Variants in ADAM12 observed in about 807,000 individuals in gnomAD.
ADAM12 encodes the protein disintegrin and metalloproteinase domain-containing protein 12.
A neutral mutation model predicts 106.4 loss-of-function variants in ADAM12; 70 were observed. That is an observed-to-expected ratio of 0.66 (90% confidence interval 0.54 to 0.80). ADAM12 has a LOEUF of 0.80. Among genes scored for constraint, ADAM12 ranks in the 30% least tolerant of loss-of-function variants. ADAM12 has a pLI of 0.00. For missense variants in ADAM12, 1,010 were observed against 1,171.9 expected (o/e 0.86, Z 2.02); for synonymous variants, 420 against 433.5 (o/e 0.97, Z 0.39).
In ADAM12 at chr10:126,118,221, T is replaced by C. The variant is rs1456619964; in HGVS notation, c.420A>G (p.Gly140=). Residue 140 remains glycine (G), a synonymous_variant, in exon 6 of 23, where the codon GGA becomes GGG. Coordinates refer to ENST00000448723, the MANE Select transcript of ADAM12 (RefSeq NM_001288973.2). ...AGCTTTCATTTTCAAACACAATAAG[T>C]CCCCTGTTGAAAAAGAAACAAGAAA... ...VSLSTCSGLR[G]LIVFENESYV... is the part of the protein sequence containing the mutation. 1.2e-6 allele frequency: 2 copies of C among 1,608,638 alleles called. No individual in the cohort carries two copies. Among genetic ancestry groups the C allele is most frequent in the Non-Finnish European group, 1.7e-6 (2 of 1,176,648 alleles).
At chr10:126,311,797 C>T (rs966949809) in intron 2 of ADAM12, among the ~76,000 whole-genome samples, 1 of 152,132 alleles carries the variant, frequency 6.6e-6, no homozygotes, top group African/African-American at 2.4e-5. Context: ...AGACCCTGCT[C>T]TATAGGCACC....
chr10:126,350,398 G>A (rs890233283), intron 1 of ADAM12, among the ~76,000 whole-genome samples: 4 of 152,144 alleles, frequency 2.6e-5, no homozygotes, highest in African/African-American at 7.2e-5. Flanking sequence ...GGCCAAGCCC[G>A]AGTGAAGCAA....
chr10:126,239,527 TC>T (rs561758332), intron 3 of ADAM12, among the ~76,000 whole-genome samples: 228 of 152,282 alleles, frequency 1.5e-3, no homozygotes, highest in African/African-American at 5.4e-3. Flanking sequence ...GGGGAACAAA[TC>T]CGACCTTTCT....
intron 3 of ADAM12, among the ~76,000 whole-genome samples, chr10:126,159,037 C>T (rs1480987498): frequency 6.6e-6 from 1 of 152,132 alleles, no homozygotes; most frequent in Non-Finnish European, 1.5e-5. Context: ...CGGCTGGGCA[C>T]AGTGGCTCAC....
At position 126,174,344 on chromosome 10, in the gene ADAM12, C is replaced by T. The variant is rs371869608; in HGVS notation, c.261-19039G>A. On this transcript the variant is annotated intron_variant, in intron 3 of 22. Transcript: ENST00000448723. ...AGATATTCTCCTACGCATCATGGCC[C>T]GGCTATCCAAGTCGGCAAATGTCAC... Among the ~76,000 whole-genome samples, 49 of 152,030 alleles carry T rather than the reference C, an allele frequency of 3.2e-4. No homozygotes were observed. In the East Asian group the frequency reaches 4.2e-3, roughly 13 times the overall value.
chr10:126,031,774 G>A (rs953696259), intron 21 of ADAM12, among the ~76,000 whole-genome samples: 4 of 152,190 alleles, frequency 2.6e-5, no homozygotes, highest in African/African-American at 9.6e-5. Flanking sequence ...GAGAAATGTT[G>A]TGTTTTGACA....
chr10:126,155,688 G>T (rs1956802551), intron 3 of ADAM12, among the ~76,000 whole-genome samples: 1 of 152,194 alleles, frequency 6.6e-6, no homozygotes, highest in Non-Finnish European at 1.5e-5. Context: ...AAAATCTCCT[G>T]CTTGGAAGTC....
At chr10:126,047,969 A>G (rs1344866448) in intron 16 of ADAM12, among the ~76,000 whole-genome samples, 1 of 152,248 alleles carries the variant, frequency 6.6e-6, no homozygotes, top group Non-Finnish European at 1.5e-5. Flanking sequence ...GCCATAAAAA[A>G]GAATGAGATC....
At chr10:126,333,907 G>T (rs1854605700) in intron 1 of ADAM12, among the ~76,000 whole-genome samples, 1 of 152,208 alleles carries the variant, frequency 6.6e-6, no homozygotes, top group Non-Finnish European at 1.5e-5. Context: ...CAACCTTTTT[G>T]AGAAATTGAG....
chr10:126,077,815 A>AT (rs1955132244), intron 11 of ADAM12, among the ~76,000 whole-genome samples: 1 of 152,020 alleles, frequency 6.6e-6, no homozygotes, highest in Admixed American at 6.6e-5. Context: ...CCACCTTTTT[A>AT]TTTTTTTAAA....
chr10:126,030,486 A>G (rs1288577292), intron 21 of ADAM12, among the ~76,000 whole-genome samples: 5 of 152,182 alleles, frequency 3.3e-5, no homozygotes, highest in African/African-American at 9.7e-5. Flanking sequence ...TACTGTTGAG[A>G]TTTTTAATTA....
At chr10:126,368,657 TTG>T (rs768086775) in intron 1 of ADAM12, among the ~76,000 whole-genome samples, 2 of 137,982 alleles carry the variant, frequency 1.4e-5, no homozygotes, top group South Asian at 2.4e-4. Flanking sequence ...GTTGTTGTTG[TTG>T]TTTTTTTTTG....
At chr10:126,345,265 G>A (rs1855093699) in intron 1 of ADAM12, among the ~76,000 whole-genome samples, 1 of 152,276 alleles carries the variant, frequency 6.6e-6, no homozygotes, top group East Asian at 1.9e-4. Context: ...GGCCTTTTCT[G>A]CATCTATTGA....
chr10:126,076,475 T>A (rs937805160), intron 11 of ADAM12, among the ~76,000 whole-genome samples: 2 of 152,222 alleles, frequency 1.3e-5, no homozygotes, highest in African/African-American at 4.8e-5. Context: ...TGTTTTAAGT[T>A]CTTCGAGAAA....
intron 11 of ADAM12, among the ~76,000 whole-genome samples, chr10:126,079,205 C>T (rs530803995): frequency 1.3e-5 from 2 of 151,572 alleles, no homozygotes; most frequent in Admixed American, 6.6e-5. Flanking sequence ...TAAGTCACTT[C>T]GAAATATGTA....
In ADAM12 at chr10:126,015,298, A is replaced by G. The variant is rs1337814151; in HGVS notation, c.*1981T>C. The G allele has an allele frequency of 6.6e-6, 1 of 152,234 alleles. No homozygotes were observed. Among genetic ancestry groups the G allele is most frequent in the Admixed American group, 6.5e-5 (1 of 15,282 alleles). 9.4% of individuals were successfully genotyped at this position (152,234 alleles called of 1,614,324 possible). A position where few individuals can be genotyped will look rare whatever the true frequency, so the allele number is the denominator to read the frequency against. On this transcript the variant is annotated 3_prime_UTR_variant, in exon 23 of 23. Transcript: ENST00000448723. ...TTCATATCCTCTTATAATTGGAGGA[A>G]GGGCTAACATGCCAGATCTAAGGAT...
At chr10:126,147,346 A>C (rs1956647252) in intron 4 of ADAM12, among the ~76,000 whole-genome samples, 1 of 152,156 alleles carries the variant, frequency 6.6e-6, no homozygotes, top group Non-Finnish European at 1.5e-5. Context: ...CTGACAGAGC[A>C]GGGGACCCTC....
At chr10:126,346,537 T>C (rs191087381) in intron 1 of ADAM12, among the ~76,000 whole-genome samples, 3 of 152,344 alleles carry the variant, frequency 2.0e-5, no homozygotes, top group Non-Finnish European at 4.4e-5. Flanking sequence ...GTCTGTTAGG[T>C]CCACTTGGTG....
In ADAM12 at chr10:126,164,718, C is replaced by A. The variant is rs568420975; in HGVS notation, c.261-9413G>T. ...GAAGGCAAACGGTATGCACCCAGAC[C>A]GGACCCTGCATCCTCTGAAAACACT... On this transcript the variant is annotated intron_variant, in intron 3 of 22. Coordinates refer to ENST00000448723, the MANE Select transcript of ADAM12 (RefSeq NM_001288973.2). 2.0e-5 allele frequency among the ~76,000 whole-genome samples: 3 copies of A among 152,190 alleles called. No homozygotes were observed. In the East Asian group the frequency reaches 5.8e-4, roughly 29 times the overall value.
Sources: gnomAD v4.1 joint callset for allele counts (sites outside exome capture counted in the v4.1 genomes callset) on GRCh38, gnomAD v4.1.1 for gene constraint, MANE v1.5 for transcripts, NCBI Gene and HGNC (gene_info 2026-07-23, HGNC 2026-07-21) for gene names.